MYO1E: variants seen among roughly 807,000 people sequenced by gnomAD.
The protein encoded by MYO1E is unconventional myosin-Ie.
A neutral mutation model predicts 151.1 loss-of-function variants in MYO1E; 68 were observed. The ratio of observed to expected loss-of-function variants is 0.45; its 90% confidence interval spans 0.37 to 0.55. The LOEUF is 0.55. Ranked by LOEUF, MYO1E falls within the 20% of genes least tolerant of loss-of-function variation. The pLI is 0.00. For synonymous variants in MYO1E, 601 were observed against 501.7 expected (o/e 1.20, Z -2.64); for missense variants, 1,363 against 1,389.3 (o/e 0.98, Z 0.30).
chr15:59,150,112 T>C (rs1596342200), intron 26 of MYO1E, among the ~76,000 whole-genome samples: 1 of 152,246 alleles, frequency 6.6e-6, no homozygotes, highest in Non-Finnish European at 1.5e-5. Flanking sequence ...CAAGGTACTA[T>C]TTTGTAAGGA....
In MYO1E at chr15:59,284,359, T is replaced by C. The variant is rs191564434; in HGVS notation, c.4-11910A>G. On this transcript the variant is annotated intron_variant, in intron 1 of 27. Coordinates refer to ENST00000288235, the MANE Select transcript of MYO1E (RefSeq NM_004998.4). ...CTCAGGAGATCAAAGGGAAGAGATA[T>C]TGCCCCTAAACACAGTTCTCCTTCT... is the stretch of plus-strand genomic sequence containing the variant. 1.4e-3 allele frequency among the ~76,000 whole-genome samples: 217 copies of C among 152,354 alleles called. 2 individuals are homozygous for C. Among genetic ancestry groups the C allele is most frequent in the Non-Finnish European group, 3.1e-4 (21 of 68,040 alleles).
chr15:59,222,976 A>G, intron 9 of MYO1E, 83 bp downstream of exon 9: 1 of 1,582,254 alleles, frequency 6.3e-7, no homozygotes, highest in Non-Finnish European at 8.7e-7. Flanking sequence ...CCCATTTGAG[A>G]TCTAAGCAAA....
At chr15:59,173,724 G>A in intron 21 of MYO1E, 22 bp downstream of exon 21, 1 of 1,613,412 alleles carries the variant, frequency 6.2e-7, no homozygotes. Flanking sequence ...GGTGATCTCA[G>A]AGGCAGGCAG....
At chr15:59,221,051 C>G (rs1391470471) in intron 9 of MYO1E, among the ~76,000 whole-genome samples, 1 of 143,148 alleles carries the variant, frequency 7.0e-6, no homozygotes, top group Non-Finnish European at 1.5e-5. Context: ...TATATATACA[C>G]ACACATAATT....
chr15:59,214,478 C>T lies in MYO1E; in HGVS notation c.1188+162G>A, dbSNP rs79478250. The stretch of plus-strand genomic sequence containing the variant: ...TTAGGAGAAACTAATTTGGTAAAGG[C>T]ACATGAAGAACTCACAAAGGCAAAA... On this transcript the variant is annotated intron_variant, in intron 11 of 27. Transcript: ENST00000288235. Among the ~76,000 whole-genome samples the T allele has an allele frequency of 0.039, 5,944 of 152,142 alleles. 397 individuals are homozygous for T. Among genetic ancestry groups the T allele is most frequent in the African/African-American group, 0.14 (5,675 of 41,488 alleles).
intron 4 of MYO1E, among the ~76,000 whole-genome samples, chr15:59,250,981 T>C (rs767033455): frequency 6.6e-6 from 1 of 152,052 alleles, no homozygotes; most frequent in Non-Finnish European, 1.5e-5. Flanking sequence ...AGCAAGCTCA[T>C]GTAAGAAGAC....
At chr15:59,269,542 A>G (rs12443328) in intron 2 of MYO1E, among the ~76,000 whole-genome samples, 28,582 of 152,204 alleles carry the variant, frequency 0.19, 3,051 homozygotes, top group East Asian at 0.47. Context: ...GCAACTGAAC[A>G]TAACTGTTTT....
At chr15:59,175,970 A>G (rs1219291989) in intron 19 of MYO1E, among the ~76,000 whole-genome samples, 1 of 152,236 alleles carries the variant, frequency 6.6e-6, no homozygotes, top group African/African-American at 2.4e-5. Flanking sequence ...AAAACACACA[A>G]AACAACCTTA....
intron 10 of MYO1E, among the ~76,000 whole-genome samples, chr15:59,216,681 TATATACACATACACAC>T (rs1272449181): frequency 9.5e-4 from 26 of 27,384 alleles, no homozygotes; most frequent in African/African-American, 3.2e-3. Context: ...TATATATATA[TATATACACATACACAC>T]ACACACACAC....
At chr15:59,228,355 T>C (rs2140352865) in intron 6 of MYO1E, among the ~76,000 whole-genome samples, 1 of 151,838 alleles carries the variant, frequency 6.6e-6, no homozygotes, top group East Asian at 1.9e-4. Flanking sequence ...TGGTGGCGGG[T>C]GCCTGCAGTC....
chr15:59,224,869 C>T (rs1280572560), intron 7 of MYO1E, 46 bp from the exon 8 acceptor site: 1 of 1,613,462 alleles, frequency 6.2e-7, no homozygotes. Flanking sequence ...GACCACAAGG[C>T]ACCCGAAGTC....
chr15:59,371,584 G>C (rs182698970), intron 1 of MYO1E, among the ~76,000 whole-genome samples: 9 of 152,014 alleles, frequency 5.9e-5, no homozygotes, highest in African/African-American at 1.9e-4. Flanking sequence ...TGGGGAGTTG[G>C]AATAGCAGAA....
At chr15:59,223,649 C>T (rs1247640144) in intron 8 of MYO1E, among the ~76,000 whole-genome samples, 4 of 152,148 alleles carry the variant, frequency 2.6e-5, no homozygotes, top group Admixed American at 2.0e-4. Flanking sequence ...AAAGTGGACT[C>T]GAGATCTTTC....
intron 1 of MYO1E, among the ~76,000 whole-genome samples, chr15:59,279,540 C>G (rs1391788471): frequency 1.1e-4 from 16 of 152,184 alleles, no homozygotes; most frequent in African/African-American, 3.9e-4. Context: ...CATAGGGTGT[C>G]ACACAAATCA....
chr15:59,303,943 G>A (rs1259359390), intron 1 of MYO1E, among the ~76,000 whole-genome samples: 2 of 151,118 alleles, frequency 1.3e-5, no homozygotes, highest in Non-Finnish European at 2.9e-5. Flanking sequence ...GCCTGGAGGA[G>A]TATCAGGCAG....
intron 17 of MYO1E, among the ~76,000 whole-genome samples, chr15:59,194,850 G>T (rs138072785): frequency 3.1e-4 from 47 of 152,318 alleles, no homozygotes; most frequent in African/African-American, 1.1e-3. Flanking sequence ...GCTGTGGGAG[G>T]AACAGTGATG....
rs1297675562 is a variant in MYO1E, at chr15:59,205,541, C to G, written c.1531-56G>C. ...ATTGAACAAAATGTAATTAATTGAACAAAATCATTTATTGAACAAAAAATC... is the reference window on the plus strand; with the variant it reads ...ATTGAACAAAATGTAATTAATTGAAGAAAATCATTTATTGAACAAAAAATC... On this transcript the variant is annotated intron_variant, in intron 14 of 27. Transcript: ENST00000288235. 5 of 1,487,048 alleles carry G rather than the reference C, an allele frequency of 3.4e-6. 1 individual carries two copies. In the Admixed American group the frequency reaches 8.4e-5, roughly 25 times the overall value. 92.1% of individuals were successfully genotyped at this position (1,487,048 alleles called of 1,614,324 possible).
At chr15:59,281,934 A>T (rs952543608) in intron 1 of MYO1E, among the ~76,000 whole-genome samples, 4 of 151,764 alleles carry the variant, frequency 2.6e-5, no homozygotes, top group African/African-American at 9.7e-5. Context: ...ACTGCACTCC[A>T]GCCTGGTGAC....
chr15:59,206,847 T>C, intron 14 of MYO1E: 2 of 1,315,438 alleles, frequency 1.5e-6, no homozygotes, highest in Non-Finnish European at 2.1e-6. Context: ...TGCCGTAGAG[T>C]GCTGAAGGTC....
Sources: gnomAD v4.1 joint callset for allele counts (sites outside exome capture counted in the v4.1 genomes callset) on GRCh38, gnomAD v4.1.1 for gene constraint, MANE v1.5 for transcripts, NCBI Gene and HGNC (gene_info 2026-07-23, HGNC 2026-07-21) for gene names.